RCAN1: variants seen among roughly 807,000 people sequenced by gnomAD.
RCAN1 encodes the protein regulator of calcineurin 1, also known as calcipressin-1.
RCAN1 carries 11 observed loss-of-function variants against 22.9 expected under a neutral mutation model. The observed-to-expected ratio is 0.48, with a 90% CI of 0.30 to 0.79. The LOEUF (loss-of-function observed/expected upper bound fraction) is 0.79. Among genes scored for constraint, RCAN1 ranks in the 30% least tolerant of loss-of-function variants. The probability of loss-of-function intolerance (pLI) is 0.06; values close to 1 mark genes in which losing one functional copy is unlikely to be tolerated. For synonymous variants in RCAN1, 136 were observed against 142.3 expected (o/e 0.96, Z 0.32); for missense variants, 291 against 337.8 (o/e 0.86, Z 1.09).
At chr21:34,527,299 T>C (rs554785762) in intron 1 of RCAN1, among the ~76,000 whole-genome samples, 3 of 148,894 alleles carry the variant, frequency 2.0e-5, no homozygotes, top group Admixed American at 2.0e-4. Context: ...GGTGACATAC[T>C]TGATCCCTGG....
chr21:34,536,710 T>G, intron 1 of RCAN1, among the ~76,000 whole-genome samples: 1 of 150,908 alleles, frequency 6.6e-6, no homozygotes, highest in Non-Finnish European at 1.5e-5. Flanking sequence ...AGCGGAGGAG[T>G]AAAGGTGAGA....
In RCAN1 at chr21:34,518,378, A is replaced by T; in HGVS notation, c.587-122T>A. 2 of 932,738 alleles carry T rather than the reference A, an allele frequency of 2.1e-6. No individual in the cohort carries two copies. Among genetic ancestry groups the T allele is most frequent in the Non-Finnish European group, 3.1e-6 (2 of 635,004 alleles). 57.8% of individuals were successfully genotyped at this position (932,738 alleles called of 1,614,324 possible). On this transcript the variant is annotated intron_variant, in intron 3 of 3. Coordinates refer to ENST00000313806, the MANE Select transcript of RCAN1 (RefSeq NM_004414.7). This position sits in a 1 kb window ranked among gnomAD's most constrained non-coding sequence, Gnocchi z 4.2. ...CTCGTGACCATTCGATTGGGCTGAG[A>T]GACACAGCCAGACATATTTTGGGTT...
intron 1 of RCAN1, among the ~76,000 whole-genome samples, chr21:34,606,611 C>T (rs780258364): frequency 6.6e-6 from 1 of 152,084 alleles, no homozygotes; most frequent in Non-Finnish European, 1.5e-5. Context: ...ATGCAGAAGC[C>T]CTAATCCCCA....
chr21:34,523,522 A>G lies in RCAN1; in HGVS notation c.426+15T>C. 6.2e-7 allele frequency: 1 copy of G among 1,613,222 alleles called. No homozygotes were observed. The highest frequency in any genetic ancestry group is 8.5e-7 in the Non-Finnish European group (1 of 1,179,532). On this transcript the variant is annotated intron_variant, in intron 2 of 3. Coordinates refer to ENST00000313806, the MANE Select transcript of RCAN1 (RefSeq NM_004414.7). ...GGAGGAGGGAGAAGCATGCATAGCA[A>G]TGAACCCAACTCACCTGAGCAAAAT...
At chr21:34,543,485 T>C (rs1986005307) in intron 1 of RCAN1, among the ~76,000 whole-genome samples, 1 of 152,204 alleles carries the variant, frequency 6.6e-6, no homozygotes, top group Admixed American at 6.5e-5. Flanking sequence ...GACACCTGAT[T>C]TTAGCCCATT....
chr21:34,580,380 T>TA (rs2123696385), intron 1 of RCAN1, among the ~76,000 whole-genome samples: 1 of 152,300 alleles, frequency 6.6e-6, no homozygotes, highest in Admixed American at 6.5e-5. Flanking sequence ...CCCTGGCTGA[T>TA]ATGGAAACTG....
At position 34,517,828 on chromosome 21, in the gene RCAN1, A is replaced by G; in HGVS notation, c.*256T>C. The G allele has an allele frequency of 1.9e-6, 1 of 527,890 alleles. No homozygotes were observed. The highest frequency in any genetic ancestry group is 2.5e-5 in the South Asian group (1 of 40,730). 32.7% of individuals were successfully genotyped at this position (527,890 alleles called of 1,614,324 possible). On this transcript the variant is annotated 3_prime_UTR_variant, in exon 4 of 4. Transcript: ENST00000313806. Reference sequence around the variant, plus strand: ...CTATCATTATCTGTTTTCTCAAGACAGTCCCAAATGTCCTTGTGCGATCAC... The same window carrying G: ...CTATCATTATCTGTTTTCTCAAGACGGTCCCAAATGTCCTTGTGCGATCAC...
In RCAN1 at chr21:34,614,804, C is replaced by A; in HGVS notation, c.208G>T (p.Ala70Ser). ...AACACGCGCGGGTCCAGGTGACAGG[C>A]GATGGTGGCGCTGGGCAGGTCCTGC... ...DLQDLPSATIACHLDPRVFVD... is the reference protein window; with the variant it reads ...DLQDLPSATISCHLDPRVFVD... The change falls in exon 1 of 4, where the codon GCC becomes TCC. Residue 70 changes from alanine to serine, a missense_variant. Transcript: ENST00000313806. The surrounding 1 kb of genome is among the most constrained non-coding windows in gnomAD (Gnocchi z 6.0). The A allele has an allele frequency of 2.7e-6, 4 of 1,484,966 alleles. No individual in the cohort carries two copies. The highest frequency in any genetic ancestry group is 3.6e-6 in the Non-Finnish European group (4 of 1,115,674). 92.0% of individuals were successfully genotyped at this position (1,484,966 alleles called of 1,614,324 possible).
chr21:34,584,368 T>C (rs1377910605), intron 1 of RCAN1, among the ~76,000 whole-genome samples: 1 of 152,184 alleles, frequency 6.6e-6, no homozygotes, highest in Non-Finnish European at 1.5e-5. Context: ...AGAGTATTTC[T>C]CTTTTTGAAT....
chr21:34,533,266 A>G (rs1215231870), intron 1 of RCAN1, among the ~76,000 whole-genome samples: 2 of 152,158 alleles, frequency 1.3e-5, no homozygotes, highest in African/African-American at 4.8e-5. Context: ...GGCCCAAAAT[A>G]TACTTAAATA....
Position 34,558,796 on chromosome 21 carries a change from C to T in RCAN1, c.253-35086G>A, listed in dbSNP as rs140342262. Among the ~76,000 whole-genome samples, 651 of 152,300 alleles carry T rather than the reference C, an allele frequency of 4.3e-3. 3 individuals are homozygous for T. The highest frequency in any genetic ancestry group is 0.015 in the African/African-American group (624 of 41,568). On this transcript the variant is annotated intron_variant, in intron 1 of 3. Coordinates refer to ENST00000313806, the MANE Select transcript of RCAN1 (RefSeq NM_004414.7). Reference sequence around the variant, plus strand: ...TGCACTGGGGAGAACATTTCATCTCCTGGATCTCGCCCTGTCTGTCGCAAA... The same window carrying T: ...TGCACTGGGGAGAACATTTCATCTCTTGGATCTCGCCCTGTCTGTCGCAAA...
rs1196392121 is a variant in RCAN1, at chr21:34,614,177, G to A, written c.252+583C>T. 1.5e-5 allele frequency: 14 copies of A among 941,888 alleles called. No homozygotes were observed. In the South Asian group the frequency reaches 6.6e-4, roughly 44 times the overall value. 58.3% of individuals were successfully genotyped at this position (941,888 alleles called of 1,614,324 possible). On this transcript the variant is annotated intron_variant, in intron 1 of 3. Transcript: ENST00000313806. The surrounding 1 kb of genome is among the most constrained non-coding windows in gnomAD (Gnocchi z 6.0). ...CTTCACACAAGGGGGCAAGGTTCTT[G>A]ACTAAATATCCTAAAGGTCTGAAAG...
intron 1 of RCAN1, among the ~76,000 whole-genome samples, chr21:34,540,522 T>C (rs983994344): frequency 6.6e-6 from 1 of 152,180 alleles, no homozygotes; most frequent in Non-Finnish European, 1.5e-5. Context: ...TAGTTCTTAG[T>C]ATTTACCACA....
intron 1 of RCAN1, among the ~76,000 whole-genome samples, chr21:34,596,678 C>T (rs927066433): frequency 3.3e-5 from 5 of 152,188 alleles, no homozygotes; most frequent in South Asian, 2.1e-4. Flanking sequence ...ACATTCGAAC[C>T]GGGATGGGCA....
chr21:34,573,384 T>A (rs746393635), intron 1 of RCAN1, among the ~76,000 whole-genome samples: 1 of 152,258 alleles, frequency 6.6e-6, no homozygotes, highest in Non-Finnish European at 1.5e-5. Flanking sequence ...TTGCCTTCAC[T>A]GAGTTCCCTC....
At chr21:34,553,406 C>A (rs1462478383) in intron 1 of RCAN1, among the ~76,000 whole-genome samples, 1 of 152,082 alleles carries the variant, frequency 6.6e-6, no homozygotes, top group Non-Finnish European at 1.5e-5. Context: ...TGATTTATAG[C>A]ACATAAAATC....
intron 2 of RCAN1, chr21:34,522,300 C>T (rs113599801): frequency 0.011 from 1,727 of 152,238 alleles, 25 homozygotes; most frequent in Non-Finnish European, 0.017. Context: ...AGAGGGCTGT[C>T]CATAGAGCTC....
Position 34,614,745 on chromosome 21 carries a change from C to G in RCAN1, c.252+15G>C. The G allele has an allele frequency of 2.1e-6, 3 of 1,414,958 alleles. No individual in the cohort carries two copies. Among genetic ancestry groups the G allele is most frequent in the Admixed American group, 2.6e-5 (1 of 38,758 alleles). The allele number at this position is 1,414,958 out of a possible 1,614,324, so 87.7% of individuals were successfully genotyped here. ...CCGCCCTCCGCCCCGACGGCCCGCCCGGCGCGGTCCTCACCCGGCACAGGC... is the reference window on the plus strand; with the variant it reads ...CCGCCCTCCGCCCCGACGGCCCGCCGGGCGCGGTCCTCACCCGGCACAGGC... On this transcript the variant is annotated intron_variant, in intron 1 of 3. Coordinates refer to ENST00000313806, the MANE Select transcript of RCAN1 (RefSeq NM_004414.7). This position sits in a 1 kb window ranked among gnomAD's most constrained non-coding sequence, Gnocchi z 6.0.
intron 1 of RCAN1, among the ~76,000 whole-genome samples, chr21:34,573,352 A>T (rs1465222824): frequency 6.6e-6 from 1 of 152,196 alleles, no homozygotes; most frequent in Non-Finnish European, 1.5e-5. Context: ...CTTTTGTATT[A>T]ACCATCACTG....
Sources: gnomAD v4.1 joint callset for allele counts (sites outside exome capture counted in the v4.1 genomes callset) on GRCh38, gnomAD v4.1.1 for gene constraint, Gnocchi (gnomAD v3.1) non-coding constraint, MANE v1.5 for transcripts, NCBI Gene and HGNC (gene_info 2026-07-23, HGNC 2026-07-21) for gene names.